Variants in CRTC3 observed in about 807,000 individuals in gnomAD.
CRTC3 encodes CREB-regulated transcription coactivator 3.
Under a neutral mutation model 74.5 loss-of-function variants are expected in CRTC3, and 26 were observed. The ratio of observed to expected loss-of-function variants is 0.35; its 90% confidence interval spans 0.26 to 0.48. The LOEUF is 0.48. Among genes scored for constraint, CRTC3 ranks in the 20% least tolerant of loss-of-function variants. The pLI is 0.99. For synonymous variants in CRTC3, 377 were observed against 325.8 expected, an observed-to-expected ratio of 1.16 and a Z score of -1.69; for missense variants, 760 against 787.3, an observed-to-expected ratio of 0.97 and a Z score of 0.41.
chr15:90,573,599 A>G (rs1299704910), intron 2 of CRTC3, among the ~76,000 whole-genome samples: 1 of 151,888 alleles, frequency 6.6e-6, no homozygotes, highest in Non-Finnish European at 1.5e-5. Context: ...ATTCTTGAAT[A>G]ATTTCTTTTT....
At chr15:90,585,916 G>A (rs934285459) in intron 2 of CRTC3, among the ~76,000 whole-genome samples, 2 of 152,006 alleles carry the variant, frequency 1.3e-5, no homozygotes, top group East Asian at 1.9e-4. Flanking sequence ...TGTTATTTAG[G>A]GGCTTTCTTT....
At chr15:90,576,995 G>A (rs1281668895) in intron 2 of CRTC3, among the ~76,000 whole-genome samples, 2 of 151,642 alleles carry the variant, frequency 1.3e-5, no homozygotes, top group African/African-American at 4.9e-5. Flanking sequence ...TCCTTCCCCA[G>A]CTTTACGTGG....
intron 6 of CRTC3, among the ~76,000 whole-genome samples, chr15:90,609,028 T>A: frequency 6.6e-6 from 1 of 152,262 alleles, no homozygotes. Flanking sequence ...TCTTTGCTTT[T>A]TGGACAATTT....
At chr15:90,565,378 A>G (rs1261612703) in intron 2 of CRTC3, among the ~76,000 whole-genome samples, 2 of 152,230 alleles carry the variant, frequency 1.3e-5, no homozygotes, top group Non-Finnish European at 2.9e-5. Flanking sequence ...AGAGCATATA[A>G]ATGCCAATAA....
intron 8 of CRTC3, 175 bp downstream of exon 8, chr15:90,618,143 T>C (rs1968542696): frequency 2.3e-6 from 1 of 426,388 alleles, no homozygotes. Context: ...ATTATCGCGC[T>C]TGTGTCAATG....
At chr15:90,555,982 A>G (rs1437099959) in intron 2 of CRTC3, among the ~76,000 whole-genome samples, 1 of 152,186 alleles carries the variant, frequency 6.6e-6, no homozygotes, top group Admixed American at 6.5e-5. Flanking sequence ...AACAGAAAAA[A>G]TGAGCCATTT....
In CRTC3 at chr15:90,626,286, C is replaced by T. The variant is rs548917161; in HGVS notation, c.967+293C>T. 3.9e-4 allele frequency among the ~76,000 whole-genome samples: 59 copies of T among 152,264 alleles called. 2 individuals are homozygous for T. In the South Asian group the frequency reaches 0.011, roughly 29 times the overall value. ...GGAGCCAAGAAATAAGCATCCACTC[C>T]GTGTTGGCTGAACAGTATTAGTGGC... is the stretch of plus-strand genomic sequence containing the variant. On this transcript the variant is annotated intron_variant, in intron 10 of 14. Coordinates refer to ENST00000268184, the MANE Select transcript of CRTC3 (RefSeq NM_022769.5).
chr15:90,594,847 G>A (rs574867004), intron 3 of CRTC3: 3 of 152,344 alleles, frequency 2.0e-5, no homozygotes, highest in African/African-American at 7.2e-5. Context: ...ACCATTCGCA[G>A]TGATGAGGAC....
At position 90,636,002 on chromosome 15, in the gene CRTC3, A is replaced by G. The variant is rs544147291; in HGVS notation, c.1267-2444A>G. On this transcript the variant is annotated intron_variant, in intron 11 of 14. Coordinates refer to ENST00000268184, the MANE Select transcript of CRTC3 (RefSeq NM_022769.5). ...CTGCCCAAGGTAATTTATAGATTCA[A>G]TGCCATCCCCATCAAGCTACCAATG... Among the ~76,000 whole-genome samples, 493 of 152,276 alleles carry G rather than the reference A, an allele frequency of 3.2e-3. 2 individuals carry two copies. The highest frequency in any genetic ancestry group is 0.012 in the African/African-American group (480 of 41,536).
chr15:90,567,239 A>T (rs1258339111), intron 2 of CRTC3, among the ~76,000 whole-genome samples: 1 of 152,134 alleles, frequency 6.6e-6, no homozygotes. Context: ...GTGGAATAAC[A>T]AAGCCAGGAT....
chr15:90,533,682 A>G (rs1388483996), intron 1 of CRTC3, among the ~76,000 whole-genome samples: 2 of 152,210 alleles, frequency 1.3e-5, no homozygotes, highest in Non-Finnish European at 2.9e-5. Flanking sequence ...TATAGTAATG[A>G]GCAAGCAAAA....
In CRTC3 at chr15:90,541,790, C is replaced by CT. The variant is rs5814437; in HGVS notation, c.231+1666dup. Reference sequence around the variant, plus strand: ...TTGGCCTTCCCAGGATTCTTTTTTTCTTTTTTTTTTTTTGAGATGGAGTCT... The same window carrying CT: ...TTGGCCTTCCCAGGATTCTTTTTTTCTTTTTTTTTTTTTTGAGATGGAGTCT... On this transcript the variant is annotated intron_variant, in intron 2 of 14. Transcript: ENST00000268184. Among the ~76,000 whole-genome samples the CT allele has an allele frequency of 2.7e-3, 355 of 133,028 alleles. 8 individuals carry two copies. The highest frequency in any genetic ancestry group is 9.9e-3 in the African/African-American group (332 of 33,478). 87.3% of individuals were successfully genotyped at this position (133,028 alleles called of 152,430 possible).
chr15:90,593,690 G>A lies in CRTC3; in HGVS notation c.286G>A (p.Glu96Lys), dbSNP rs1404441612. The change falls in exon 3 of 15, where the codon GAG becomes AAG. Residue 96 changes from glutamate to lysine, a missense_variant. Coordinates refer to ENST00000268184, the MANE Select transcript of CRTC3 (RefSeq NM_022769.5). The part of the protein sequence containing the change: ...VRGTRHHGLV[E>K]RPSRNRFHPL... ...GGGAACCCGCCATCACGGGCTGGTG[G>A]AGAGGCCATCCAGGAACCGCTTCCA... The A allele has an allele frequency of 1.9e-6, 3 of 1,612,436 alleles. No homozygotes were observed. The South Asian group carries it at 3.3e-5, about 18-fold the overall frequency.
chr15:90,580,426 CTT>C (rs1045691133), intron 2 of CRTC3, among the ~76,000 whole-genome samples: 7 of 142,972 alleles, frequency 4.9e-5, no homozygotes, highest in Admixed American at 7.1e-5. Flanking sequence ...TCTTCTTCTT[CTT>C]TTTTTTTTTT....
intron 10 of CRTC3, 30 bp downstream of exon 10, chr15:90,626,023 G>A: frequency 6.3e-7 from 1 of 1,581,332 alleles, no homozygotes; most frequent in Non-Finnish European, 8.7e-7. Flanking sequence ...CAGTGACCTG[G>A]TGGCTTAATC....
At chr15:90,638,900 C>T (rs1389072643) in intron 13 of CRTC3, 85 bp downstream of exon 13, 6 of 1,110,864 alleles carry the variant, frequency 5.4e-6, no homozygotes, top group South Asian at 3.8e-5. Context: ...CAGAACTGAG[C>T]AGACCAGACA....
rs778272916 is a variant in CRTC3, at chr15:90,614,520, G to C, written c.613+32G>C. 1.6e-5 allele frequency: 24 copies of C among 1,469,688 alleles called. No individual in the cohort carries two copies. In the Middle Eastern group the frequency reaches 5.2e-4, roughly 32 times the overall value. The allele number at this position is 1,469,688 out of a possible 1,614,324, so 91.0% of individuals were successfully genotyped here. ...ACTGATTTTACCTACCTATATTGGA[G>C]TGGGATGCTGATTAGTGGACATAAC... On this transcript the variant is annotated intron_variant, in intron 7 of 14. Transcript: ENST00000268184.
intron 6 of CRTC3, among the ~76,000 whole-genome samples, chr15:90,610,602 A>G (rs1253479780): frequency 6.6e-6 from 1 of 152,252 alleles, no homozygotes; most frequent in Non-Finnish European, 1.5e-5. Flanking sequence ...GGAACCAAAC[A>G]GGATTTTTAT....
At chr15:90,624,467 A>C (rs1331031144) in intron 9 of CRTC3, among the ~76,000 whole-genome samples, 1 of 151,528 alleles carries the variant, frequency 6.6e-6, no homozygotes, top group Admixed American at 6.6e-5. Context: ...CTCCCTCCCC[A>C]TGTGCCACCC....
Sources: gnomAD v4.1 joint callset for allele counts (sites outside exome capture counted in the v4.1 genomes callset) on GRCh38, gnomAD v4.1.1 for gene constraint, MANE v1.5 for transcripts, NCBI Gene and HGNC (gene_info 2026-07-23, HGNC 2026-07-21) for gene names.